Variants in GDAP1 observed in about 807,000 individuals in gnomAD.
The protein encoded by GDAP1 is ganglioside induced differentiation associated protein 1, also known as ganglioside-induced differentiation-associated protein 1.
In GDAP1, 34 loss-of-function variants were observed where a neutral mutation model predicts 40.1. That is an observed-to-expected ratio of 0.85 (90% CI 0.64 to 1.13). GDAP1 has a LOEUF of 1.13. Ranked by LOEUF, GDAP1 falls within the 50% of genes most tolerant of loss-of-function variation. The pLI is 0.00. For synonymous variants in GDAP1, 170 were observed against 157.4 expected, an observed-to-expected ratio of 1.08 and a Z score of -0.60; for missense variants, 374 against 433.7, an observed-to-expected ratio of 0.86 and a Z score of 1.22.
intron 2 of GDAP1, among the ~76,000 whole-genome samples, chr8:74,443,204 A>G (rs757271112): frequency 5.3e-5 from 8 of 152,178 alleles, no homozygotes; most frequent in Non-Finnish European, 1.0e-4. Flanking sequence ...GCCCAGAACC[A>G]TAAGTGCATT....
At chr8:74,360,083 G>A in intron 2 of GDAP1, 54 bp from the exon 3 acceptor site, 1 of 1,329,994 alleles carries the variant, frequency 7.5e-7, no homozygotes, top group Non-Finnish European at 1.1e-6. Context: ...TTGCTTTTGA[G>A]TGTAACAACT....
chr8:74,374,131 T>G (rs1809807300), intron 2 of GDAP1, among the ~76,000 whole-genome samples: 1 of 152,170 alleles, frequency 6.6e-6, no homozygotes, highest in Non-Finnish European at 1.5e-5. Flanking sequence ...TGGATAAGCT[T>G]TTTGATGTGC....
At chr8:74,437,540 T>C (rs1806107553) in intron 2 of GDAP1, among the ~76,000 whole-genome samples, 1 of 152,152 alleles carries the variant, frequency 6.6e-6, no homozygotes. Context: ...CCCTACATGC[T>C]CCTTCTCAAT....
At chr8:74,474,955 T>C (rs1806606638) in intron 2 of GDAP1, among the ~76,000 whole-genome samples, 1 of 152,166 alleles carries the variant, frequency 6.6e-6, no homozygotes. Flanking sequence ...TATTACTGAT[T>C]CAATTTTGGC....
Position 74,487,934 on chromosome 8 carries a change from C to A in GDAP1, c.166-744C>A, listed in dbSNP as rs963834880. Among the ~76,000 whole-genome samples, 17 of 152,092 alleles carry A rather than the reference C, an allele frequency of 1.1e-4. 1 individual carries two copies. Among genetic ancestry groups the A allele is most frequent in the East Asian group, 5.8e-4 (3 of 5,184 alleles). On this transcript the variant is annotated intron_variant, in intron 2 of 2. Transcript: ENST00000523640. Reference sequence around the variant, plus strand: ...TACATCTTGATCCAAACACTGGGGTCTTGGATAAAAATGGAGATTTGTGTG... The same window carrying A: ...TACATCTTGATCCAAACACTGGGGTATTGGATAAAAATGGAGATTTGTGTG...
chr8:74,428,504 C>T (rs1805982218), intron 2 of GDAP1, among the ~76,000 whole-genome samples: 1 of 149,302 alleles, frequency 6.7e-6, no homozygotes, highest in Admixed American at 6.7e-5. Context: ...GAGTCTTGCT[C>T]TGTTGCCCAG....
intron 2 of GDAP1, among the ~76,000 whole-genome samples, chr8:74,456,757 T>C (rs1371374815): frequency 2.0e-5 from 3 of 152,016 alleles, no homozygotes; most frequent in Non-Finnish European, 4.4e-5. Context: ...CTCATGATAC[T>C]GAAATAGCAG....
intron 2 of GDAP1, among the ~76,000 whole-genome samples, chr8:74,410,104 G>C (rs1805690497): frequency 6.7e-6 from 1 of 149,918 alleles, no homozygotes; most frequent in Non-Finnish European, 1.5e-5. Flanking sequence ...ATGTAAGAGA[G>C]AATTGTCAAG....
At chr8:74,480,093 A>T (rs770216537) in intron 2 of GDAP1, among the ~76,000 whole-genome samples, 37 of 147,722 alleles carry the variant, frequency 2.5e-4, no homozygotes, top group Admixed American at 1.1e-3. Context: ...GGTTCAAGCG[A>T]TTCTCCTGCT....
intron 2 of GDAP1, among the ~76,000 whole-genome samples, chr8:74,434,384 C>G (rs1467001234): frequency 6.6e-6 from 1 of 152,150 alleles, no homozygotes; most frequent in Non-Finnish European, 1.5e-5. Context: ...TTGGAGTAGG[C>G]CACTGAACTG....
intron 2 of GDAP1, among the ~76,000 whole-genome samples, chr8:74,464,027 TC>T (rs1769616092): frequency 6.6e-6 from 1 of 152,146 alleles, no homozygotes; most frequent in South Asian, 2.1e-4. Flanking sequence ...AATATTTAGT[TC>T]TAATATGTTT....
chr8:74,478,006 C>T (rs1806653348), intron 2 of GDAP1, among the ~76,000 whole-genome samples: 1 of 151,732 alleles, frequency 6.6e-6, no homozygotes, highest in African/African-American at 2.4e-5. Context: ...CCTATGCGCA[C>T]ATTCGAGTCA....
intron 2 of GDAP1, among the ~76,000 whole-genome samples, chr8:74,484,029 A>G (rs1806745602): frequency 6.6e-6 from 1 of 152,180 alleles, no homozygotes; most frequent in South Asian, 2.1e-4. Flanking sequence ...TCTTTATTGG[A>G]GGCAAGAGAA....
intron 2 of GDAP1, among the ~76,000 whole-genome samples, chr8:74,477,656 T>A (rs1378073940): frequency 6.6e-6 from 1 of 152,130 alleles, no homozygotes; most frequent in Non-Finnish European, 1.5e-5. Context: ...AGAAACCTGC[T>A]GTGTTGGAGG....
At chr8:74,462,872 G>C (rs1222492658) in intron 2 of GDAP1, among the ~76,000 whole-genome samples, 2 of 151,628 alleles carry the variant, frequency 1.3e-5, no homozygotes, top group African/African-American at 4.8e-5. Flanking sequence ...AAGTGACAAG[G>C]ACGTAAGTTG....
intron 2 of GDAP1, among the ~76,000 whole-genome samples, chr8:74,429,071 T>G (rs1805993744): frequency 6.6e-6 from 1 of 152,052 alleles, no homozygotes; most frequent in African/African-American, 2.4e-5. Flanking sequence ...TGCATAGTAT[T>G]CCATGGTGTA....
chr8:74,413,654 G>T (rs1423975264), intron 2 of GDAP1, among the ~76,000 whole-genome samples: 1 of 149,308 alleles, frequency 6.7e-6, no homozygotes, highest in Non-Finnish European at 1.5e-5. Flanking sequence ...ATCTCTGAGG[G>T]AGGCGATCTT....
intron 5 of GDAP1, 122 bp downstream of exon 5, chr8:74,363,175 T>C: frequency 1.5e-6 from 1 of 649,808 alleles, no homozygotes; most frequent in East Asian, 2.6e-5. Flanking sequence ...ACAGGCAGTT[T>C]TAATTATGAT....
In GDAP1 at chr8:74,468,801, T is replaced by C. The variant is rs143473596; in HGVS notation, c.166-19877T>C. 1.5e-3 allele frequency among the ~76,000 whole-genome samples: 223 copies of C among 152,302 alleles called. 2 individuals are homozygous for C. The highest frequency in any genetic ancestry group is 2.1e-3 in the Non-Finnish European group (144 of 68,010). On this transcript the variant is annotated intron_variant, in intron 2 of 2. Transcript: ENST00000523640. Reference sequence around the variant, plus strand: ...TTTTTATCTTCAAATTTTGTTCTTATATTCAGTTGCCTTGGCTGCTAACTC... The same window carrying C: ...TTTTTATCTTCAAATTTTGTTCTTACATTCAGTTGCCTTGGCTGCTAACTC...
Sources: gnomAD v4.1 joint callset for allele counts (sites outside exome capture counted in the v4.1 genomes callset) on GRCh38, gnomAD v4.1.1 for gene constraint, MANE v1.5 for transcripts, NCBI Gene and HGNC (gene_info 2026-07-23, HGNC 2026-07-21) for gene names.